Variants in MED13L observed in about 807,000 individuals in gnomAD.
The protein encoded by MED13L is mediator of RNA polymerase II transcription subunit 13-like.
In MED13L, 7 loss-of-function variants were observed where a neutral mutation model predicts 220.9. The observed-to-expected ratio is 0.03, with a 90% CI of 0.02 to 0.06. The LOEUF (loss-of-function observed/expected upper bound fraction) is 0.06. Ranked by LOEUF, MED13L falls within the 10% of genes least tolerant of loss-of-function variation. The probability of loss-of-function intolerance (pLI) is 1.00; values close to 1 mark genes in which losing one functional copy is unlikely to be tolerated. For synonymous variants in MED13L, 1,011 were observed against 1,015.2 expected (o/e 1.00, Z 0.08); for missense variants, 1,965 against 2,760.5 (o/e 0.71, Z 6.46).
intron 1 of MED13L, among the ~76,000 whole-genome samples, chr12:116,238,568 A>G (rs1052350711): frequency 6.6e-6 from 1 of 152,238 alleles, no homozygotes; most frequent in African/African-American, 2.4e-5. Flanking sequence ...ATTCTGTACC[A>G]AACAGCCCAG....
At chr12:116,061,194 T>G (rs915361549) in intron 4 of MED13L, among the ~76,000 whole-genome samples, 5 of 152,224 alleles carry the variant, frequency 3.3e-5, no homozygotes, top group Non-Finnish European at 7.3e-5. Context: ...TAACTTTCTT[T>G]TTTAAGTCAT....
intron 2 of MED13L, among the ~76,000 whole-genome samples, chr12:116,196,476 T>G (rs1171234149): frequency 6.6e-6 from 1 of 151,962 alleles, no homozygotes; most frequent in Non-Finnish European, 1.5e-5. Flanking sequence ...AAATGACACA[T>G]GAGATAAGAG....
chr12:115,987,716 A>G (rs979736341), intron 17 of MED13L, among the ~76,000 whole-genome samples: 2 of 152,236 alleles, frequency 1.3e-5, no homozygotes, highest in African/African-American at 2.4e-5. Flanking sequence ...AAGCTTTTAA[A>G]AACTCTTTAA....
chr12:116,149,093 C>T (rs111475859), intron 2 of MED13L, among the ~76,000 whole-genome samples: 2 of 152,114 alleles, frequency 1.3e-5, no homozygotes, highest in Non-Finnish European at 2.9e-5. Context: ...GCTCATGCAC[C>T]GTACCATGTG....
intron 3 of MED13L, among the ~76,000 whole-genome samples, chr12:116,100,708 T>A (rs1424667926): frequency 2.0e-5 from 3 of 151,824 alleles, no homozygotes; most frequent in Non-Finnish European, 4.4e-5. Flanking sequence ...GCCAGGAGTT[T>A]GACACCAGAC....
At chr12:116,141,770 C>T (rs984796844) in intron 2 of MED13L, among the ~76,000 whole-genome samples, 2 of 152,116 alleles carry the variant, frequency 1.3e-5, no homozygotes, top group African/African-American at 4.8e-5. Context: ...CATGTGGTAG[C>T]TAGAGGAATC....
intron 4 of MED13L, among the ~76,000 whole-genome samples, chr12:116,053,946 A>G (rs1299089716): frequency 2.0e-5 from 3 of 152,136 alleles, no homozygotes; most frequent in Non-Finnish European, 2.9e-5. Context: ...ACAGAGGCAA[A>G]GGTCCAGCTG....
At chr12:116,005,367 G>T (rs1038718055) in intron 13 of MED13L, among the ~76,000 whole-genome samples, 1 of 152,170 alleles carries the variant, frequency 6.6e-6, no homozygotes, top group Non-Finnish European at 1.5e-5. Flanking sequence ...ATGCTGCCTT[G>T]TAGTATTTAA....
intron 1 of MED13L, among the ~76,000 whole-genome samples, chr12:116,262,684 T>A (rs949576809): frequency 6.6e-6 from 1 of 152,204 alleles, no homozygotes; most frequent in Non-Finnish European, 1.5e-5. Context: ...CTACTTCAAA[T>A]CAAATTTATA....
intron 1 of MED13L, among the ~76,000 whole-genome samples, chr12:116,274,973 T>C (rs1032603522): frequency 6.7e-6 from 1 of 149,160 alleles, no homozygotes; most frequent in Non-Finnish European, 1.5e-5. Flanking sequence ...TGTAACGTTA[T>C]CATCCTTACT....
At chr12:116,213,023 C>T (rs929562262) in intron 2 of MED13L, among the ~76,000 whole-genome samples, 2 of 152,176 alleles carry the variant, frequency 1.3e-5, no homozygotes, top group African/African-American at 2.4e-5. Flanking sequence ...ATTACAGTCT[C>T]AATACTAGCA....
chr12:116,229,812 T>C (rs1869377701), intron 2 of MED13L, among the ~76,000 whole-genome samples: 1 of 152,208 alleles, frequency 6.6e-6, no homozygotes, highest in Non-Finnish European at 1.5e-5. Context: ...ATTTAGTAAG[T>C]ATGCACTAGA....
intron 22 of MED13L, among the ~76,000 whole-genome samples, chr12:115,981,182 T>C (rs999785232): frequency 3.3e-5 from 5 of 152,222 alleles, no homozygotes; most frequent in African/African-American, 9.6e-5. Context: ...GGTCAAGTTA[T>C]ACTGTCACTT....
At chr12:115,977,309 T>C (rs529760069) in intron 23 of MED13L, among the ~76,000 whole-genome samples, 9 of 152,302 alleles carry the variant, frequency 5.9e-5, no homozygotes, top group Non-Finnish European at 1.0e-4. Context: ...AAAAGAGACT[T>C]TGAAAATAAT....
chr12:116,260,543 G>A (rs1422028000), intron 1 of MED13L, among the ~76,000 whole-genome samples: 1 of 152,028 alleles, frequency 6.6e-6, no homozygotes, highest in Non-Finnish European at 1.5e-5. Flanking sequence ...TAACAATTAC[G>A]CTCTCAATAA....
rs1871634486 is a variant in MED13L, at chr12:116,252,355, A to C, written c.73-14650T>G. ...AAAGGCATAAAATCCAGCATGGGCA[A>C]CATGACAAAACTTTGTCTCTACTAA... is the stretch of plus-strand genomic sequence containing the variant. On this transcript the variant is annotated intron_variant, in intron 1 of 30. Coordinates refer to ENST00000281928, the MANE Select transcript of MED13L (RefSeq NM_015335.5). 2.0e-5 allele frequency among the ~76,000 whole-genome samples: 3 copies of C among 152,102 alleles called. No homozygotes were observed. In the South Asian group the frequency reaches 6.2e-4, roughly 31 times the overall value.
intron 3 of MED13L, among the ~76,000 whole-genome samples, chr12:116,098,840 ACACC>A (rs1319347356): frequency 6.6e-6 from 1 of 152,212 alleles, no homozygotes; most frequent in Non-Finnish European, 1.5e-5. Flanking sequence ...GAAATATGGC[ACACC>A]CACCCAAGGA....
chr12:116,007,399 G>C lies in MED13L; in HGVS notation c.2238+12C>G. 4 of 1,602,964 alleles carry C rather than the reference G, an allele frequency of 2.5e-6. No individual in the cohort carries two copies. Among genetic ancestry groups the C allele is most frequent in the Non-Finnish European group, 3.4e-6 (4 of 1,169,972 alleles). ...CCACACCATGCTGGACTCTCTCTCT[G>C]TTAAATGGTACCTTATTCTTTTTCA... is the stretch of plus-strand genomic sequence containing the variant. On this transcript the variant is annotated intron_variant, in intron 11 of 30. Transcript: ENST00000281928.
chr12:116,045,950 A>C (rs1881806874), intron 4 of MED13L, among the ~76,000 whole-genome samples: 1 of 152,102 alleles, frequency 6.6e-6, no homozygotes, highest in African/African-American at 2.4e-5. Flanking sequence ...GTAGGTAATC[A>C]ATAAAAATTA....
Sources: gnomAD v4.1 joint callset for allele counts (sites outside exome capture counted in the v4.1 genomes callset) on GRCh38, gnomAD v4.1.1 for gene constraint, MANE v1.5 for transcripts, NCBI Gene and HGNC (gene_info 2026-07-23, HGNC 2026-07-21) for gene names.